The following GLIS3 variants were observed in gnomAD, a reference collection of about 807,000 sequenced individuals.
GLIS3 encodes GLIS family zinc finger 3.
GLIS3 carries 53 observed loss-of-function variants against 78.6 expected under a neutral mutation model. The observed-to-expected ratio is 0.67, with a 90% CI of 0.54 to 0.85. GLIS3 has a LOEUF of 0.85. GLIS3 is among the 40% of genes least tolerant of loss of function. GLIS3 has a pLI of 0.00. For synonymous variants in GLIS3, 684 were observed against 509.9 expected, an observed-to-expected ratio of 1.34 and a Z score of -4.60; for missense variants, 1,703 against 1,231.1, an observed-to-expected ratio of 1.38 and a Z score of -5.74.
At chr9:4,164,647 A>T (rs1261749971) in intron 2 of GLIS3, among the ~76,000 whole-genome samples, 1 of 152,212 alleles carries the variant, frequency 6.6e-6, no homozygotes, top group Admixed American at 6.5e-5. Flanking sequence ...TCCAAAGGAA[A>T]GGCTGCTTAG....
chr9:4,077,211 C>G (rs1029489934), intron 4 of GLIS3, among the ~76,000 whole-genome samples: 1 of 152,148 alleles, frequency 6.6e-6, no homozygotes, highest in South Asian at 2.1e-4. Context: ...AAATTAATAA[C>G]CTTATAGCTT....
intron 4 of GLIS3, among the ~76,000 whole-genome samples, chr9:3,981,023 G>A (rs1819235138): frequency 6.6e-6 from 1 of 152,142 alleles, no homozygotes; most frequent in African/African-American, 2.4e-5. Flanking sequence ...TTGCAGGGCT[G>A]GACGAACTGA....
intron 4 of GLIS3, among the ~76,000 whole-genome samples, chr9:3,952,046 C>A (rs528197613): frequency 2.0e-5 from 3 of 151,834 alleles, no homozygotes; most frequent in Non-Finnish European, 2.9e-5. Context: ...GCCACAGGTA[C>A]CCCCAGGCCA....
At chr9:4,335,924 G>C (rs566378532) in intron 2 of GLIS3, among the ~76,000 whole-genome samples, 27 of 152,292 alleles carry the variant, frequency 1.8e-4, no homozygotes, top group South Asian at 6.2e-4. Context: ...GACAACCTAA[G>C]GTAAAAATTT....
chr9:4,046,354 G>A (rs896611704), intron 4 of GLIS3, among the ~76,000 whole-genome samples: 1 of 152,152 alleles, frequency 6.6e-6, no homozygotes. Flanking sequence ...TAAAGACCCT[G>A]AATGGTACAG....
intron 2 of GLIS3, among the ~76,000 whole-genome samples, chr9:4,196,514 G>T (rs1586945473): frequency 6.6e-6 from 1 of 152,268 alleles, no homozygotes; most frequent in East Asian, 1.9e-4. Flanking sequence ...ATAAAGTTCT[G>T]CAGCTTCACT....
At chr9:3,885,555 A>G (rs1288691956) in intron 7 of GLIS3, among the ~76,000 whole-genome samples, 2 of 152,186 alleles carry the variant, frequency 1.3e-5, no homozygotes, top group African/African-American at 2.4e-5. Context: ...GAACATGGGA[A>G]GAGGTGTTGG....
chr9:4,239,887 T>C lies in GLIS3; in HGVS notation c.388+46151A>G, dbSNP rs1024753630. Among the ~76,000 whole-genome samples, 14 of 152,244 alleles carry C rather than the reference T, an allele frequency of 9.2e-5. 1 individual carries two copies. The highest frequency in any genetic ancestry group is 3.1e-4 in the African/African-American group (13 of 41,460). On this transcript the variant is annotated intron_variant, in intron 2 of 10. Transcript: ENST00000381971. The stretch of plus-strand genomic sequence containing the variant: ...AATGGCACTTTGTATTTCCTAACTC[T>C]GTATCATTAGACCTTTACAGGAATA...
the GLIS3 span, among the ~76,000 whole-genome samples, chr9:4,426,397 C>T: frequency 6.6e-6 from 1 of 152,232 alleles, no homozygotes; most frequent in South Asian, 2.1e-4. Flanking sequence ...TCACATTCAG[C>T]CACGTTGAAC....
chr9:4,207,286 A>C (rs1819969385), intron 2 of GLIS3, among the ~76,000 whole-genome samples: 1 of 152,210 alleles, frequency 6.6e-6, no homozygotes, highest in African/African-American at 2.4e-5. Flanking sequence ...ACTAAACTTA[A>C]GGATGCACAC....
the GLIS3 span, among the ~76,000 whole-genome samples, chr9:4,431,354 GA>G: frequency 6.6e-6 from 1 of 152,262 alleles, no homozygotes; most frequent in East Asian, 1.9e-4. Flanking sequence ...CTACCTACTG[GA>G]AAAAATAACT....
intron 2 of GLIS3, among the ~76,000 whole-genome samples, chr9:4,236,899 A>G (rs1173050075): frequency 1.3e-5 from 2 of 152,158 alleles, no homozygotes; most frequent in African/African-American, 4.8e-5. Flanking sequence ...TTTTTTCCAT[A>G]ACAATTCATT....
At chr9:4,379,261 G>A in the GLIS3 span, among the ~76,000 whole-genome samples, 2 of 152,156 alleles carry the variant, frequency 1.3e-5, no homozygotes, top group Admixed American at 6.5e-5. Flanking sequence ...TCATTTGCTG[G>A]CTATGGGTCT....
upstream of GLIS3, among the ~76,000 whole-genome samples, chr9:4,304,333 G>C (rs1295854805): frequency 6.6e-6 from 1 of 152,180 alleles, no homozygotes; most frequent in East Asian, 1.9e-4. Flanking sequence ...AATGTGATAT[G>C]AAGTAGCTTT....
intron 4 of GLIS3, among the ~76,000 whole-genome samples, chr9:4,003,541 G>A (rs751469858): frequency 1.3e-4 from 20 of 152,150 alleles, no homozygotes; most frequent in Non-Finnish European, 2.5e-4. Context: ...CTGAAGAACC[G>A]TGATGAGAAT....
intron 2 of GLIS3, among the ~76,000 whole-genome samples, chr9:4,342,180 A>G (rs551729578): frequency 6.6e-6 from 1 of 152,288 alleles, no homozygotes; most frequent in East Asian, 1.9e-4. Flanking sequence ...CTATGTCCAG[A>G]ATGGCATTTC....
intron 2 of GLIS3, among the ~76,000 whole-genome samples, chr9:4,257,661 C>T (rs1419208396): frequency 6.6e-6 from 1 of 151,884 alleles, no homozygotes; most frequent in Admixed American, 6.6e-5. Flanking sequence ...GCAAGCTCCG[C>T]CTCCCGGGTT....
At chr9:4,164,962 G>A (rs970031744) in intron 2 of GLIS3, among the ~76,000 whole-genome samples, 2 of 152,168 alleles carry the variant, frequency 1.3e-5, no homozygotes, top group African/African-American at 2.4e-5. Context: ...TCTGAATTTT[G>A]TTCTTGGTTT....
intron 4 of GLIS3, among the ~76,000 whole-genome samples, chr9:4,023,071 A>C (rs760299515): frequency 6.6e-6 from 1 of 152,234 alleles, no homozygotes; most frequent in African/African-American, 2.4e-5. Flanking sequence ...CTATACACAG[A>C]TAAAACTTCA....
Sources: gnomAD v4.1 joint callset for allele counts (sites outside exome capture counted in the v4.1 genomes callset) on GRCh38, gnomAD v4.1.1 for gene constraint, MANE v1.5 for transcripts, NCBI Gene and HGNC (gene_info 2026-07-23, HGNC 2026-07-21) for gene names.